The following HDAC8 variants were observed in gnomAD, a reference collection of about 807,000 sequenced individuals.
The protein encoded by HDAC8 is histone deacetylase-like 1.
In HDAC8, 1 loss-of-function variant was observed where a neutral mutation model predicts 32.2. That is an observed-to-expected ratio of 0.03 (90% CI 0.01 to 0.15). The LOEUF (loss-of-function observed/expected upper bound fraction) is 0.15, where lower values mean the gene tolerates loss of function less well. Ranked by LOEUF, HDAC8 falls within the 10% of genes least tolerant of loss-of-function variation. HDAC8 has a pLI of 1.00. For synonymous variants in HDAC8, 108 were observed against 113.9 expected (o/e 0.95, Z 0.33); for missense variants, 117 against 300.0 (o/e 0.39, Z 4.51).
chrX:72,338,499 C>A (rs782676811), intron 10 of HDAC8, among the ~76,000 whole-genome samples: 2 of 108,593 alleles, frequency 1.8e-5, no homozygotes, highest in East Asian at 5.7e-4. Context: ...CTCAGGAACC[C>A]TTGGAGGTTG....
intron 9 of HDAC8, among the ~76,000 whole-genome samples, chrX:72,372,981 T>C (rs1201499340): frequency 9.0e-6 from 1 of 111,560 alleles, no homozygotes; most frequent in Non-Finnish European, 1.9e-5. Flanking sequence ...GCCCTGGAGA[T>C]TGAGTGCCTT....
chrX:72,340,326 C>T (rs1218462657), intron 10 of HDAC8, among the ~76,000 whole-genome samples: 6 of 111,481 alleles, frequency 5.4e-5, no homozygotes, highest in African/African-American at 9.8e-5. Flanking sequence ...GACAGAGCTC[C>T]GAGGTTCTTT....
At chrX:72,524,155 A>G (rs959366077) in intron 4 of HDAC8, among the ~76,000 whole-genome samples, 17 of 112,544 alleles carry the variant, frequency 1.5e-4, no homozygotes, top group African/African-American at 4.8e-4. Context: ...CTGGACCATT[A>G]CAGAAATAGT....
intron 10 of HDAC8, among the ~76,000 whole-genome samples, chrX:72,330,534 C>T (rs781806593): frequency 8.9e-6 from 1 of 111,955 alleles, no homozygotes; most frequent in African/African-American, 3.2e-5. Context: ...TCTTCCTTCC[C>T]TTAGCAAGGC....
intron 3 of HDAC8, among the ~76,000 whole-genome samples, chrX:72,568,446 C>T (rs2051884145): frequency 8.9e-6 from 1 of 112,268 alleles, no homozygotes; most frequent in African/African-American, 3.2e-5. Context: ...TTAGCCAGAA[C>T]ATAAATCTGT....
chrX:72,354,957 A>T (rs782429456), intron 9 of HDAC8, among the ~76,000 whole-genome samples: 4 of 112,067 alleles, frequency 3.6e-5, no homozygotes, highest in African/African-American at 1.3e-4. Context: ...CCCTTGCCTA[A>T]CCAAGCCTCA....
intron 10 of HDAC8, among the ~76,000 whole-genome samples, chrX:72,345,262 G>A (rs979825153): frequency 9.0e-6 from 1 of 111,120 alleles, no homozygotes; most frequent in African/African-American, 3.3e-5. Context: ...ACCTGAGCAG[G>A]GGGAGAGGGT....
At chrX:72,403,614 G>A (rs1015158678) in intron 9 of HDAC8, among the ~76,000 whole-genome samples, 1 of 112,212 alleles carries the variant, frequency 8.9e-6, no homozygotes, top group African/African-American at 3.2e-5. Flanking sequence ...ATCACCTGAG[G>A]TCAGGAGTTT....
intron 7 of HDAC8, among the ~76,000 whole-genome samples, chrX:72,469,153 T>TC (rs1215213568): frequency 9.0e-6 from 1 of 110,643 alleles, no homozygotes; most frequent in African/African-American, 3.3e-5. Flanking sequence ...TCCCTAGTTT[T>TC]TTTTTTCCTA....
At chrX:72,540,519 GT>G (rs1175080373) in intron 4 of HDAC8, among the ~76,000 whole-genome samples, 13 of 103,403 alleles carry the variant, frequency 1.3e-4, no homozygotes, top group Middle Eastern at 4.9e-3. Flanking sequence ...CCCTCTAGTG[GT>G]TTTTTTTTTT....
intron 7 of HDAC8, among the ~76,000 whole-genome samples, chrX:72,487,244 T>C (rs782358438): frequency 1.8e-5 from 2 of 112,208 alleles, no homozygotes; most frequent in Non-Finnish European, 3.8e-5. Flanking sequence ...CTGATTAGGT[T>C]TGATACCAAG....
chrX:72,422,362 C>CT (rs1555973926), intron 9 of HDAC8, among the ~76,000 whole-genome samples: 3 of 110,512 alleles, frequency 2.7e-5, no homozygotes, highest in African/African-American at 9.9e-5. Context: ...ATTCTTCGTT[C>CT]TTTTTTTTCC....
Position 72,386,445 on chromosome X carries a change from A to AT in HDAC8, c.1006-34608dup, listed in dbSNP as rs200382425. On this transcript the variant is annotated intron_variant, in intron 9 of 10. Coordinates refer to ENST00000373573, the MANE Select transcript of HDAC8 (RefSeq NM_018486.3). ...ACACAGGATATTCAACTTATGTATG[A>AT]TTTTTTTTTTAAGGATTTAAAGATA... is the stretch of plus-strand genomic sequence containing the variant. Among the ~76,000 whole-genome samples, 380 of 108,710 alleles carry AT rather than the reference A, an allele frequency of 3.5e-3. 1 individual carries two copies. Among genetic ancestry groups the AT allele is most frequent in the South Asian group, 0.026 (65 of 2,492 alleles). The allele number at this position is 108,710 out of a possible 115,157, so 94.4% of individuals were successfully genotyped here.
chrX:72,470,750 T>G (rs1175416343), intron 7 of HDAC8, among the ~76,000 whole-genome samples: 1 of 111,782 alleles, frequency 8.9e-6, no homozygotes, highest in Non-Finnish European at 1.9e-5. Flanking sequence ...TTCAAACTTC[T>G]TAGAAGCAAC....
chrX:72,456,492 T>C (rs72630044), intron 9 of HDAC8, among the ~76,000 whole-genome samples: 9,375 of 111,118 alleles, frequency 0.084, 1,009 homozygotes, highest in East Asian at 0.74. Context: ...AAGTTGACTC[T>C]AATAAGTTAA....
At chrX:72,378,868 CTT>C (rs1432813524) in intron 9 of HDAC8, among the ~76,000 whole-genome samples, 5 of 102,280 alleles carry the variant, frequency 4.9e-5, no homozygotes, top group Admixed American at 1.1e-4. Flanking sequence ...CCCTTCAGTA[CTT>C]TTTTTTTTTT....
intron 4 of HDAC8, among the ~76,000 whole-genome samples, chrX:72,524,784 A>T (rs1262366694): frequency 9.0e-6 from 1 of 110,584 alleles, no homozygotes; most frequent in East Asian, 2.8e-4. Context: ...CCCATGTCTG[A>T]CAACCAGTTC....
chrX:72,514,694 T>C (rs1180273225), intron 4 of HDAC8, among the ~76,000 whole-genome samples: 2 of 111,380 alleles, frequency 1.8e-5, no homozygotes, highest in African/African-American at 6.5e-5. Flanking sequence ...AAGAAATTTC[T>C]GAGATAGGTG....
intron 4 of HDAC8, among the ~76,000 whole-genome samples, chrX:72,542,633 T>G (rs2050742341): frequency 8.9e-6 from 1 of 111,922 alleles, no homozygotes; most frequent in African/African-American, 3.2e-5. Flanking sequence ...GACAAGGTAG[T>G]CAAAGTACAC....
Sources: allele counts gnomAD v4.1 joint callset (sites outside exome capture counted in the v4.1 genomes callset), GRCh38; gene constraint gnomAD v4.1.1; transcripts MANE v1.5; gene names NCBI Gene and HGNC (gene_info 2026-07-23, HGNC 2026-07-21).